Variants in DAB1 observed in about 807,000 individuals in gnomAD.
The protein encoded by DAB1 is disabled homolog 1.
In DAB1, 15 loss-of-function variants were observed where a neutral mutation model predicts 64.6. That is an observed-to-expected ratio of 0.23 (90% CI 0.16 to 0.36). The LOEUF (loss-of-function observed/expected upper bound fraction) is 0.36. Ranked by LOEUF, DAB1 falls within the 10% of genes least tolerant of loss-of-function variation. The pLI is 1.00. For synonymous variants in DAB1, 235 were observed against 251.9 expected (o/e 0.93, Z 0.64); for missense variants, 596 against 706.7 (o/e 0.84, Z 1.78).
chr1:57,297,671 G>T (rs1393656879), intron 1 of DAB1, among the ~76,000 whole-genome samples: 1 of 152,066 alleles, frequency 6.6e-6, no homozygotes, highest in African/African-American at 2.4e-5. Context: ...TCCTGTAATT[G>T]TGAGATTATT....
At chr1:58,234,015 C>T (rs1050394783) in intron 4 of DAB1, among the ~76,000 whole-genome samples, 1 of 152,200 alleles carries the variant, frequency 6.6e-6, no homozygotes, top group Non-Finnish European at 1.5e-5. Context: ...CAGTTCTCTT[C>T]AATTAGCAGA....
intron 3 of DAB1, among the ~76,000 whole-genome samples, chr1:58,495,273 G>T (rs1322691104): frequency 3.3e-5 from 5 of 152,110 alleles, no homozygotes; most frequent in African/African-American, 9.7e-5. Flanking sequence ...CTGTTGTGGG[G>T]TGGGAGGAGG....
At chr1:57,108,063 G>A (rs536926711) in intron 4 of DAB1, among the ~76,000 whole-genome samples, 142 of 152,192 alleles carry the variant, frequency 9.3e-4, no homozygotes, top group Middle Eastern at 6.8e-3. Context: ...CTTTGGTTAT[G>A]TCTTTTTTCC....
rs1644820825 is a variant in DAB1 at position 57,543,043 on chromosome 1, A to C, written n.625+106549T>G. On this transcript the variant is annotated intron_variant and non_coding_transcript_variant, in intron 7 of 20. Coordinates refer to the DAB1 transcript ENST00000485760. Reference sequence around the variant, plus strand: ...GAGTGAGCTTGGAGGCATATCCTTTAGCCTGGTCAAGCTTTTGGGTGACTG... The same window carrying C: ...GAGTGAGCTTGGAGGCATATCCTTTCGCCTGGTCAAGCTTTTGGGTGACTG... 2.6e-5 allele frequency among the ~76,000 whole-genome samples: 4 copies of C among 152,120 alleles called. No individual in the cohort carries two copies. The South Asian group carries it at 8.3e-4, about 32-fold the overall frequency.
chr1:57,002,311 G>A (rs1015753656), intron 14 of DAB1, among the ~76,000 whole-genome samples: 3 of 152,180 alleles, frequency 2.0e-5, no homozygotes, highest in Admixed American at 6.5e-5. Flanking sequence ...AAGACCACCA[G>A]GGACACATCT....
At chr1:58,199,968 A>AG (rs1055410639) in intron 4 of DAB1, among the ~76,000 whole-genome samples, 1 of 152,136 alleles carries the variant, frequency 6.6e-6, no homozygotes, top group African/African-American at 2.4e-5. Flanking sequence ...GAAAGAGAGC[A>AG]GGGGCGGAAG....
At chr1:58,078,753 C>G (rs1411445776) in intron 5 of DAB1, among the ~76,000 whole-genome samples, 2 of 152,090 alleles carry the variant, frequency 1.3e-5, no homozygotes, top group Non-Finnish European at 2.9e-5. Context: ...AATGCCAAAT[C>G]ACTTCACCCA....
intron 6 of DAB1, among the ~76,000 whole-genome samples, chr1:57,739,459 T>C (rs187435413): frequency 0.27 from 1,532 of 5,718 alleles, no homozygotes; most frequent in Middle Eastern, 0.4. Context: ...CCCCTCCCCT[T>C]CCCTCCCCTC....
chr1:57,355,276 C>T (rs376905099), intron 1 of DAB1, among the ~76,000 whole-genome samples: 2 of 149,502 alleles, frequency 1.3e-5, no homozygotes, highest in Non-Finnish European at 2.9e-5. Context: ...TCCTGGCATA[C>T]ATTTTTTTTT....
chr1:57,970,522 C>T (rs560308686), intron 5 of DAB1, among the ~76,000 whole-genome samples: 27 of 152,060 alleles, frequency 1.8e-4, no homozygotes, highest in African/African-American at 5.8e-4. Context: ...ATATCTACGG[C>T]GCTTGAGGAA....
At chr1:57,087,902 G>T (rs2100649183) in intron 4 of DAB1, among the ~76,000 whole-genome samples, 1 of 152,280 alleles carries the variant, frequency 6.6e-6, no homozygotes, top group East Asian at 1.9e-4. Flanking sequence ...CTACTTGGCA[G>T]AGCTGGTGCA....
chr1:58,478,427 A>C (rs1225210418), intron 3 of DAB1, among the ~76,000 whole-genome samples: 1 of 152,158 alleles, frequency 6.6e-6, no homozygotes, highest in Non-Finnish European at 1.5e-5. Context: ...TTTTTATTAC[A>C]TTTGCAGCTC....
chr1:57,841,725 C>T (rs1399363468), intron 1 of DAB1, among the ~76,000 whole-genome samples: 1 of 152,174 alleles, frequency 6.6e-6, no homozygotes, highest in East Asian at 1.9e-4. Context: ...GCAGCGGAGC[C>T]CTGGGCCTGG....
intron 3 of DAB1, among the ~76,000 whole-genome samples, chr1:58,346,983 C>T (rs1477530753): frequency 6.6e-6 from 1 of 152,212 alleles, no homozygotes; most frequent in African/African-American, 2.4e-5. Context: ...TGTGCCTCAA[C>T]TGTATGGTCC....
At chr1:58,163,854 A>G (rs1655677480) in intron 4 of DAB1, among the ~76,000 whole-genome samples, 1 of 152,172 alleles carries the variant, frequency 6.6e-6, no homozygotes, top group Non-Finnish European at 1.5e-5. Flanking sequence ...GCTGATCTTG[A>G]GGCTGAGAAC....
intron 6 of DAB1, among the ~76,000 whole-genome samples, chr1:57,692,348 G>T (rs966726620): frequency 1.3e-5 from 2 of 152,032 alleles, no homozygotes; most frequent in Non-Finnish European, 2.9e-5. Flanking sequence ...AGCATAAGTG[G>T]CTGGCAGAGG....
At chr1:58,533,054 G>A (rs1646461120) in intron 1 of DAB1, among the ~76,000 whole-genome samples, 1 of 152,072 alleles carries the variant, frequency 6.6e-6, no homozygotes, top group African/African-American at 2.4e-5. Flanking sequence ...ATGTACCTTT[G>A]CGTTTACAAT....
At chr1:57,567,336 A>C (rs1268516652) in intron 7 of DAB1, among the ~76,000 whole-genome samples, 1 of 152,194 alleles carries the variant, frequency 6.6e-6, no homozygotes, top group Admixed American at 6.5e-5. Flanking sequence ...AATGGGCAAA[A>C]ACTGGAAGCA....
At chr1:57,922,757 A>G (rs534742662) in intron 5 of DAB1, among the ~76,000 whole-genome samples, 5 of 149,464 alleles carry the variant, frequency 3.3e-5, no homozygotes, top group Admixed American at 2.0e-4. Flanking sequence ...GAGGCAGGAG[A>G]ATGGCATGAA....
Sources: allele counts gnomAD v4.1 joint callset (sites outside exome capture counted in the v4.1 genomes callset), GRCh38; gene constraint gnomAD v4.1.1; transcripts MANE v1.5; gene names NCBI Gene and HGNC (gene_info 2026-07-23, HGNC 2026-07-21).